Variants in PDPR observed in about 807,000 individuals in gnomAD.
PDPR encodes pyruvate dehydrogenase phosphatase regulatory subunit, also known as pyruvate dehydrogenase phosphatase regulatory subunit, mitochondrial.
Under a neutral mutation model 102.2 loss-of-function variants are expected in PDPR, and 50 were observed. The observed-to-expected ratio is 0.49, with a 90% confidence interval of 0.39 to 0.62. PDPR has a LOEUF of 0.62. Ranked by LOEUF, PDPR falls within the 20% of genes least tolerant of loss-of-function variation. The pLI is 0.00. For synonymous variants in PDPR, 259 were observed against 406.0 expected, an observed-to-expected ratio of 0.64 and a Z score of 4.35; for missense variants, 625 against 1,098.2, an observed-to-expected ratio of 0.57 and a Z score of 6.09.
intron 18 of PDPR, among the ~76,000 whole-genome samples, chr16:70,155,350 C>T (rs1967032129): frequency 6.6e-6 from 1 of 152,188 alleles, no homozygotes; most frequent in South Asian, 2.1e-4. Flanking sequence ...GGCGCGATCT[C>T]AGCTCACTGC....
rs1966243372 is a variant in PDPR, at chr16:70,146,373, C to G, written c.1962+145C>G. ...GTGGCACATGCCTGTAATCCTAGCA[C>G]TTTGGGAGGCCGAGGCAGGTGGATC... On this transcript the variant is annotated intron_variant, in intron 16 of 18. Transcript: ENST00000288050. 11 of 1,182,016 alleles carry G rather than the reference C, an allele frequency of 9.3e-6. No homozygotes were observed. In the South Asian group the frequency reaches 1.4e-4, roughly 15 times the overall value. The allele number at this position is 1,182,016 out of a possible 1,614,324, so 73.2% of individuals were successfully genotyped here.
rs545736400 is a variant in PDPR at position 70,128,180 on chromosome 16, A to G, written c.362-604A>G. ...AGGAGAAAGGGTGAAACTGCCTAAA[A>G]GGTGGGAAGAATAGGGATGGTCGAA... On this transcript the variant is annotated intron_variant, in intron 4 of 18. Coordinates refer to ENST00000288050, the MANE Select transcript of PDPR (RefSeq NM_017990.5). Among the ~76,000 whole-genome samples the G allele has an allele frequency of 2.4e-4, 37 of 152,146 alleles. No individual in the cohort carries two copies. The South Asian group carries it at 2.5e-3, about 10-fold the overall frequency.
chr16:70,139,291 A>G (rs1305545111), intron 11 of PDPR, among the ~76,000 whole-genome samples: 2 of 152,234 alleles, frequency 1.3e-5, no homozygotes, highest in African/African-American at 2.4e-5. Context: ...AGCTTCATAA[A>G]TATTCTAAGC....
intron 2 of PDPR, among the ~76,000 whole-genome samples, chr16:70,119,519 A>G: frequency 6.7e-6 from 1 of 148,544 alleles, no homozygotes; most frequent in Non-Finnish European, 1.5e-5. Context: ...GTCTTAGATC[A>G]TCTCCCCACA....
At position 70,160,554 on chromosome 16, in the gene PDPR, C is replaced by G. The variant is rs545008273; in HGVS notation, c.*3675C>G. On this transcript the variant is annotated 3_prime_UTR_variant, in exon 19 of 19. Transcript: ENST00000288050. ...CCAGTGATTAAACCCCGGTTTCACT[C>G]TGGCCCCAGGAGTGGAGCCTGGCCA... The G allele has an allele frequency of 1.2e-4, 19 of 152,688 alleles. No homozygotes were observed. Among genetic ancestry groups the G allele is most frequent in the African/African-American group, 4.1e-4 (17 of 41,602 alleles). 9.5% of individuals were successfully genotyped at this position (152,688 alleles called of 1,614,324 possible).
rs528900365 is a variant in PDPR at position 70,159,284 on chromosome 16, C to T, written c.*2405C>T. On this transcript the variant is annotated 3_prime_UTR_variant, in exon 19 of 19. Coordinates refer to ENST00000288050, the MANE Select transcript of PDPR (RefSeq NM_017990.5). ...GTTTGTTGAAGTAGAACCAGAAATC[C>T]TGACCTCCTGTTAAATGACATCAGT... is the stretch of plus-strand genomic sequence containing the variant. 6.6e-6 allele frequency: 1 copy of T among 152,478 alleles called. No individual in the cohort carries two copies. Among genetic ancestry groups the T allele is most frequent in the African/African-American group, 2.4e-5 (1 of 41,598 alleles). 9.4% of individuals were successfully genotyped at this position (152,478 alleles called of 1,614,324 possible). A position where few individuals can be genotyped will look rare whatever the true frequency, so the allele number is the denominator to read the frequency against.
intron 6 of PDPR, among the ~76,000 whole-genome samples, chr16:70,130,015 G>A (rs1301414546): frequency 1.3e-5 from 2 of 152,276 alleles, no homozygotes; most frequent in South Asian, 2.1e-4. Context: ...GCATTGAGCC[G>A]GGCGTGGTGT....
upstream of PDPR, chr16:70,114,103 C>T (rs1164833370): frequency 6.6e-6 from 1 of 152,184 alleles, no homozygotes; most frequent in African/African-American, 2.4e-5. Flanking sequence ...AGAGTCAAGG[C>T]TTCCACAGCT....
Position 70,120,686 on chromosome 16 carries a change from G to A in PDPR, c.194G>A (p.Gly65Glu), listed in dbSNP as rs760920612. ...TSVAYHLSKMGWKDIVLLEQG... is the reference protein window; with the variant it reads ...TSVAYHLSKMEWKDIVLLEQG... Reference sequence around the variant, plus strand: ...GTGGCCTATCACCTCTCCAAAATGGGGTGGAAGGATATTGTCCTTTTGGAG... The same window carrying A: ...GTGGCCTATCACCTCTCCAAAATGGAGTGGAAGGATATTGTCCTTTTGGAG... Residue 65 changes from glycine (G) to glutamate (E), a missense_variant, in exon 3 of 19, where the codon GGG becomes GAG. Physicochemically the swap from Gly to Glu is moderately conservative, Grantham distance 98 (BLOSUM62 -2). Coordinates refer to ENST00000288050, the MANE Select transcript of PDPR (RefSeq NM_017990.5). 3.1e-6 allele frequency: 5 copies of A among 1,613,440 alleles called. No individual in the cohort carries two copies. The highest frequency in any genetic ancestry group is 4.2e-6 in the Non-Finnish European group (5 of 1,179,450).
At chr16:70,153,629 A>T (rs1022740595) in intron 18 of PDPR, 56 bp downstream of exon 18, 2 of 1,495,982 alleles carry the variant, frequency 1.3e-6, no homozygotes, top group South Asian at 1.3e-5. Flanking sequence ...GTGAATCTGC[A>T]CTAGACTAGG....
chr16:70,151,255 T>C (rs1966717573), intron 17 of PDPR, among the ~76,000 whole-genome samples: 1 of 152,266 alleles, frequency 6.6e-6, no homozygotes, highest in East Asian at 1.9e-4. Context: ...TTTTTGTAGC[T>C]TTGAGAGTCT....
rs746089512 is a variant in PDPR, at chr16:70,153,569, A to G, written c.2231A>G (p.Glu744Gly). The G allele has an allele frequency of 3.1e-6, 5 of 1,601,366 alleles. No individual in the cohort carries two copies. The East Asian group carries it at 1.1e-4, about 36-fold the overall frequency. The change falls in exon 18 of 19, where the codon GAG (glutamate) becomes GGG (glycine). Residue 744 changes from glutamate to glycine, a missense_variant. By Grantham distance (98) the Glu-to-Gly change is moderately conservative (BLOSUM62 -2). Around this residue, in one of 11 missense-constraint regions of PDPR, gnomAD observed 303 missense variants for 258.9 expected, o/e 1.17. Transcript: ENST00000288050. The part of the protein sequence containing the change: ...ECGRESRVKL[E>G]KGMDFIGRDA... ...GGACGAGAGTCTCGGGTGAAATTAG[A>G]GAAGGTACTGTGTTTACCCAGACTC...
chr16:70,158,662 G>C lies in PDPR; in HGVS notation c.*1783G>C, dbSNP rs536145990. ...GGAGCAAGTATGTACTTAACTAGCCGAGAGATGCTGCCTCTAGGCAGAGAG... is the reference window on the plus strand; with the variant it reads ...GGAGCAAGTATGTACTTAACTAGCCCAGAGATGCTGCCTCTAGGCAGAGAG... On this transcript the variant is annotated 3_prime_UTR_variant, in exon 19 of 19. Coordinates refer to ENST00000288050, the MANE Select transcript of PDPR (RefSeq NM_017990.5). 1 of 152,774 alleles carries C rather than the reference G, an allele frequency of 6.5e-6. No individual in the cohort carries two copies. Among genetic ancestry groups the C allele is most frequent in the East Asian group, 1.9e-4 (1 of 5,204 alleles). The allele number at this position is 152,774 out of a possible 1,614,324, so 9.5% of individuals were successfully genotyped here.
chr16:70,125,572 AAAGT>A (rs1403059974), intron 3 of PDPR, among the ~76,000 whole-genome samples: 1 of 94,204 alleles, frequency 1.1e-5, no homozygotes, highest in African/African-American at 3.0e-5. Context: ...AAAAAAAAAA[AAAGT>A]ATATATATAT....
Position 70,136,209 on chromosome 16 carries a change from C to T in PDPR, c.1013C>T (p.Ser338Phe), listed in dbSNP as rs1441298900. Residue 338 changes from serine (S) to phenylalanine (F), a missense_variant, in exon 10 of 19, where the codon TCC becomes TTC. Physicochemically the swap from Ser to Phe is radical, Grantham distance 155. Transcript: ENST00000288050. ...DWDHFEPLLS[S>F]LLRRMPELET... is the part of the protein sequence containing the mutation. The stretch of plus-strand genomic sequence containing the variant: ...CATTGCTCAGAGCCTCTGTTGAGTT[C>T]CCTTCTGAGGAGGATGCCAGAATTA... 1.3e-6 allele frequency: 2 copies of T among 1,589,814 alleles called. No homozygotes were observed. Among genetic ancestry groups the T allele is most frequent in the East Asian group, 2.3e-5 (1 of 44,428 alleles).
At chr16:70,151,992 A>G (rs1269832659) in intron 17 of PDPR, among the ~76,000 whole-genome samples, 1 of 152,288 alleles carries the variant, frequency 6.6e-6, no homozygotes, top group Non-Finnish European at 1.5e-5. Flanking sequence ...CTGGCCCAAC[A>G]CTAGTCACCT....
chr16:70,156,339 C>G, intron 18 of PDPR, 136 bp from the exon 19 acceptor site: 1 of 1,111,310 alleles, frequency 9.0e-7, no homozygotes, highest in Non-Finnish European at 1.3e-6. Flanking sequence ...CACAGTTTCC[C>G]AAAAGCTGGC....
chr16:70,123,879 G>A (rs1389264166), intron 3 of PDPR, among the ~76,000 whole-genome samples: 4 of 151,144 alleles, frequency 2.6e-5, no homozygotes, highest in African/African-American at 9.7e-5. Flanking sequence ...ATGGTGAAAC[G>A]CCGTCTCTAC....
intron 17 of PDPR, among the ~76,000 whole-genome samples, chr16:70,152,087 G>C (rs1267446339): frequency 1.3e-5 from 2 of 152,280 alleles, no homozygotes; most frequent in Non-Finnish European, 2.9e-5. Flanking sequence ...ATTCCCTGGA[G>C]ATGCCAGCTG....
Sources: allele counts gnomAD v4.1 joint callset (sites outside exome capture counted in the v4.1 genomes callset), GRCh38; gene constraint gnomAD v4.1.1; regional missense constraint gnomAD v4.1.1; transcripts MANE v1.5; gene names NCBI Gene and HGNC (gene_info 2026-07-23, HGNC 2026-07-21).